MSRA: variants seen among roughly 807,000 people sequenced by gnomAD.
MSRA encodes mitochondrial peptide methionine sulfoxide reductase.
Under a neutral mutation model 31.3 loss-of-function variants are expected in MSRA, and 54 were observed. That is an observed-to-expected ratio of 1.73 (90% CI 1.39 to 2.17). MSRA has a LOEUF of 2.17. Ranked by LOEUF, MSRA falls within the 30% of genes most tolerant of loss-of-function variation. The pLI is 0.00. For missense variants in MSRA, 507 were observed against 300.9 expected (o/e 1.69, Z -5.07); for synonymous variants, 169 against 116.5 (o/e 1.45, Z -2.90).
At chr8:10,086,391 C>T (rs1453870172) in intron 1 of MSRA, among the ~76,000 whole-genome samples, 3 of 152,148 alleles carry the variant, frequency 2.0e-5, no homozygotes, top group African/African-American at 4.8e-5. Context: ...GCCAGTTAGC[C>T]TTTGAAGAAG....
intron 5 of MSRA, among the ~76,000 whole-genome samples, chr8:10,356,113 G>A (rs759274978): frequency 3.9e-5 from 6 of 152,178 alleles, no homozygotes; most frequent in Non-Finnish European, 5.9e-5. Context: ...GGGTTGGGCA[G>A]CCACAGCACC....
At chr8:10,189,293 C>T (rs1184457962) in intron 1 of MSRA, among the ~76,000 whole-genome samples, 3 of 152,056 alleles carry the variant, frequency 2.0e-5, no homozygotes, top group South Asian at 2.1e-4. Context: ...ATGTTGTCTG[C>T]GTATAAAGTA....
At chr8:10,272,280 C>T (rs759674485) in intron 3 of MSRA, among the ~76,000 whole-genome samples, 13 of 152,132 alleles carry the variant, frequency 8.5e-5, no homozygotes, top group African/African-American at 2.7e-4. Flanking sequence ...AGGATTGGCT[C>T]ATATGATTAT....
rs138777678 is a variant in MSRA, at chr8:10,235,920, C to G, written c.212-9184C>G. 7.2e-5 allele frequency among the ~76,000 whole-genome samples: 11 copies of G among 152,178 alleles called. No homozygotes were observed. In the East Asian group the frequency reaches 1.4e-3, roughly 19 times the overall value. On this transcript the variant is annotated intron_variant, in intron 2 of 5. Coordinates refer to ENST00000317173, the MANE Select transcript of MSRA (RefSeq NM_012331.5). ...TGACAAAATCTGAAATAAAATAGCA[C>G]AGGTAGTTCAGTGTTAAAATGCTCT...
intron 5 of MSRA, among the ~76,000 whole-genome samples, chr8:10,340,165 G>T (rs1199146149): frequency 6.6e-6 from 1 of 152,182 alleles, no homozygotes; most frequent in Non-Finnish European, 1.5e-5. Flanking sequence ...CCCATTCCCA[G>T]CAGAGCTCGG....
In MSRA at chr8:10,199,578, T is replaced by C. The variant is rs377457579; in HGVS notation, c.143-8255T>C. Among the ~76,000 whole-genome samples the C allele has an allele frequency of 3.9e-5, 6 of 152,268 alleles. No individual in the cohort carries two copies. The South Asian group carries it at 8.3e-4, about 21-fold the overall frequency. On this transcript the variant is annotated intron_variant, in intron 1 of 5. Coordinates refer to ENST00000317173, the MANE Select transcript of MSRA (RefSeq NM_012331.5). The stretch of plus-strand genomic sequence containing the variant: ...CGTGATCTGCCCGCCAGTTTTTTTT[T>C]AATGAATAAAAAGGGCTTGTGGTTG...
chr8:10,378,210 C>T (rs868545901), intron 5 of MSRA, among the ~76,000 whole-genome samples: 1 of 152,180 alleles, frequency 6.6e-6, no homozygotes, highest in African/African-American at 2.4e-5. Flanking sequence ...CCCTCTGGGC[C>T]TTGACACAGA....
chr8:10,180,978 C>G (rs1316433759), intron 1 of MSRA, among the ~76,000 whole-genome samples: 1 of 152,198 alleles, frequency 6.6e-6, no homozygotes, highest in African/African-American at 2.4e-5. Flanking sequence ...TGATAACGTT[C>G]CATGCTAGTC....
At chr8:10,325,061 G>C (rs181484959) in intron 5 of MSRA, among the ~76,000 whole-genome samples, 88 of 152,280 alleles carry the variant, frequency 5.8e-4, no homozygotes, top group Non-Finnish European at 2.9e-5. Context: ...GGCTGGCCTA[G>C]CAAGAGGCAG....
At chr8:10,299,502 C>G (rs930033982) in intron 3 of MSRA, among the ~76,000 whole-genome samples, 4 of 151,998 alleles carry the variant, frequency 2.6e-5, no homozygotes, top group African/African-American at 9.7e-5. Context: ...TGTTTAGATG[C>G]TAACTTGAAT....
At chr8:10,362,132 C>T (rs2129165716) in intron 5 of MSRA, among the ~76,000 whole-genome samples, 1 of 152,262 alleles carries the variant, frequency 6.6e-6, no homozygotes, top group South Asian at 2.1e-4. Flanking sequence ...CTTGTCTGAG[C>T]CTCAGTTTTC....
intron 5 of MSRA, among the ~76,000 whole-genome samples, chr8:10,387,776 A>G (rs1461725001): frequency 2.0e-5 from 3 of 152,222 alleles, no homozygotes; most frequent in African/African-American, 7.2e-5. Context: ...CTAGTTATTC[A>G]GTGAGATTCC....
At chr8:10,347,924 G>T (rs182181083) in intron 5 of MSRA, among the ~76,000 whole-genome samples, 1 of 152,198 alleles carries the variant, frequency 6.6e-6, no homozygotes. Context: ...GTGCTGTAGT[G>T]ATCGATGCAG....
chr8:10,246,183 C>T (rs193080270), intron 3 of MSRA, among the ~76,000 whole-genome samples: 2 of 152,152 alleles, frequency 1.3e-5, no homozygotes, highest in African/African-American at 4.8e-5. Flanking sequence ...GCTACAGTTA[C>T]AAGAGTTGAG....
At chr8:10,382,268 T>C (rs749480329) in intron 5 of MSRA, among the ~76,000 whole-genome samples, 12 of 152,172 alleles carry the variant, frequency 7.9e-5, no homozygotes, top group South Asian at 2.1e-4. Flanking sequence ...CCCAGGAGCC[T>C]TCAGGCTTGA....
intron 2 of MSRA, among the ~76,000 whole-genome samples, chr8:10,223,830 T>G (rs899852230): frequency 6.6e-6 from 1 of 152,112 alleles, no homozygotes; most frequent in Admixed American, 6.6e-5. Context: ...AAGATGGGTA[T>G]AAAACGTGAA....
chr8:10,210,780 C>A (rs1262484429), intron 2 of MSRA, among the ~76,000 whole-genome samples: 1 of 150,900 alleles, frequency 6.6e-6, no homozygotes, highest in Non-Finnish European at 1.5e-5. Context: ...GTTGCCCATG[C>A]TGGAGTGCAC....
chr8:10,241,495 G>T (rs2952232), intron 2 of MSRA, among the ~76,000 whole-genome samples: 2 of 152,182 alleles, frequency 1.3e-5, no homozygotes, highest in Non-Finnish European at 2.9e-5. Flanking sequence ...TCATCTTGAA[G>T]ACACTATGTA....
intron 1 of MSRA, among the ~76,000 whole-genome samples, chr8:10,189,238 T>C (rs1205767661): frequency 6.6e-6 from 1 of 152,240 alleles, no homozygotes; most frequent in Non-Finnish European, 1.5e-5. Context: ...GTAAACTTTT[T>C]AGTACAAATA....
Sources: gnomAD v4.1 joint callset for allele counts (sites outside exome capture counted in the v4.1 genomes callset) on GRCh38, gnomAD v4.1.1 for gene constraint, MANE v1.5 for transcripts, NCBI Gene and HGNC (gene_info 2026-07-23, HGNC 2026-07-21) for gene names.